The following FAM135A variants were observed in gnomAD, a reference collection of about 807,000 sequenced individuals.
FAM135A encodes family with sequence similarity 135 member A.
FAM135A carries 79 observed loss-of-function variants against 146.8 expected under a neutral mutation model. The ratio of observed to expected loss-of-function variants is 0.54; its 90% CI spans 0.45 to 0.65. FAM135A has a LOEUF of 0.65. Ranked by LOEUF, FAM135A falls within the 30% of genes least tolerant of loss-of-function variation. The probability of loss-of-function intolerance (pLI) is 0.00; values close to 1 mark genes in which losing one functional copy is unlikely to be tolerated. For missense variants in FAM135A, 1,623 were observed against 1,758.2 expected (o/e 0.92, Z 1.38); for synonymous variants, 562 against 603.6 (o/e 0.93, Z 1.01).
At chr6:70,474,403 A>C (rs1264067677) in intron 5 of FAM135A, among the ~76,000 whole-genome samples, 1 of 152,148 alleles carries the variant, frequency 6.6e-6, no homozygotes, top group African/African-American at 2.4e-5. Context: ...AATGGTAAGG[A>C]CATAGTCCTC....
chr6:70,471,180 G>A (rs566103766), intron 5 of FAM135A, among the ~76,000 whole-genome samples: 4 of 152,326 alleles, frequency 2.6e-5, no homozygotes, highest in African/African-American at 9.6e-5. Context: ...GGATTGGGCA[G>A]AGAGCTGGAG....
intron 5 of FAM135A, among the ~76,000 whole-genome samples, chr6:70,458,469 T>C (rs1338827682): frequency 6.6e-6 from 1 of 152,188 alleles, no homozygotes; most frequent in Non-Finnish European, 1.5e-5. Flanking sequence ...ATAAAGTGGC[T>C]CTGAACAAAT....
At chr6:70,425,696 A>T (rs988107158) in intron 2 of FAM135A, among the ~76,000 whole-genome samples, 1 of 152,246 alleles carries the variant, frequency 6.6e-6, no homozygotes, top group African/African-American at 2.4e-5. Flanking sequence ...GTGTCAAAGT[A>T]TTTTAAATAG....
chr6:70,516,251 TAA>T lies in FAM135A; in HGVS notation c.1030-6259_1030-6258del, dbSNP rs374377742. Among the ~76,000 whole-genome samples, 855 of 152,272 alleles carry T rather than the reference TAA, an allele frequency of 5.6e-3. 3 individuals carry two copies. The highest frequency in any genetic ancestry group is 8.2e-3 in the Non-Finnish European group (558 of 68,014). On this transcript the variant is annotated intron_variant, in intron 12 of 21. Coordinates refer to ENST00000418814, the MANE Select transcript of FAM135A (RefSeq NM_001162529.3). ...TGAGGTCCAGACCTAGGGAACTTTT[TAA>T]AAGTTGTGCAAGTGATTAACAGGGT...
At chr6:70,537,828 A>G (rs1270720709) in intron 19 of FAM135A, among the ~76,000 whole-genome samples, 2 of 152,212 alleles carry the variant, frequency 1.3e-5, no homozygotes, top group Non-Finnish European at 2.9e-5. Context: ...TTATTAGAAA[A>G]CATTAAACAA....
intron 4 of FAM135A, among the ~76,000 whole-genome samples, chr6:70,442,545 G>C (rs1774803093): frequency 6.6e-6 from 1 of 151,436 alleles, no homozygotes; most frequent in Non-Finnish European, 1.5e-5. Flanking sequence ...TTAGTTTTTG[G>C]TATATCCTTT....
chr6:70,431,894 A>C (rs922170709), intron 4 of FAM135A, among the ~76,000 whole-genome samples: 1 of 152,036 alleles, frequency 6.6e-6, no homozygotes, highest in East Asian at 1.9e-4. Context: ...CCTCTGACCT[A>C]TATATAAAAT....
rs1190614826 is a variant in FAM135A at position 70,540,318 on chromosome 6, C to CTTTTTT, written c.4228+1936_4228+1941dup. On this transcript the variant is annotated intron_variant, in intron 20 of 21. Coordinates refer to ENST00000418814, the MANE Select transcript of FAM135A (RefSeq NM_001162529.3). Reference sequence around the variant, plus strand: ...TTAGACTCATTTATGATTCCTGCTACTTTTTTTTTTTTTTTTTTTTTTTTG... The same window carrying CTTTTTT: ...TTAGACTCATTTATGATTCCTGCTACTTTTTTTTTTTTTTTTTTTTTTTTTTTTTTG... Among the ~76,000 whole-genome samples the CTTTTTT allele has an allele frequency of 3.0e-3, 241 of 81,542 alleles. 17 individuals carry two copies. Among genetic ancestry groups the CTTTTTT allele is most frequent in the African/African-American group, 9.5e-3 (179 of 18,836 alleles). The allele number at this position is 81,542 out of a possible 152,430, so 53.5% of individuals were successfully genotyped here. A position where few individuals can be genotyped will look rare whatever the true frequency, so the allele number is the denominator to read the frequency against.
At chr6:70,439,681 A>G (rs765178425) in intron 4 of FAM135A, among the ~76,000 whole-genome samples, 3 of 151,086 alleles carry the variant, frequency 2.0e-5, no homozygotes, top group Admixed American at 6.6e-5. Flanking sequence ...GCTCTCCTAT[A>G]CTCTTTTGTT....
intron 10 of FAM135A, among the ~76,000 whole-genome samples, chr6:70,486,500 T>C (rs1167347229): frequency 6.6e-6 from 1 of 152,214 alleles, no homozygotes; most frequent in Non-Finnish European, 1.5e-5. Context: ...TTTCATATGT[T>C]TTTTAAAGTT....
rs538871323 is a variant in FAM135A, at chr6:70,457,087, T to C, written c.157+4516T>C. ...TATCCTGATAACTCAGAGTGGATGCTGTGTTTTAAAGAACACAGATATACT... is the reference window on the plus strand; with the variant it reads ...TATCCTGATAACTCAGAGTGGATGCCGTGTTTTAAAGAACACAGATATACT... On this transcript the variant is annotated intron_variant, in intron 5 of 21. Coordinates refer to ENST00000418814, the MANE Select transcript of FAM135A (RefSeq NM_001162529.3). 6.6e-5 allele frequency among the ~76,000 whole-genome samples: 10 copies of C among 152,366 alleles called. No individual in the cohort carries two copies. The East Asian group carries it at 1.9e-3, about 29-fold the overall frequency.
chr6:70,413,952 C>G (rs1481041871), intron 1 of FAM135A: 1 of 985,464 alleles, frequency 1.0e-6, no homozygotes, highest in Admixed American at 6.1e-5. Flanking sequence ...CCGGTGCCCG[C>G]GGCCGCCCCT....
intron 12 of FAM135A, among the ~76,000 whole-genome samples, chr6:70,516,022 A>G (rs1344804508): frequency 6.6e-6 from 1 of 152,052 alleles, no homozygotes; most frequent in African/African-American, 2.4e-5. Flanking sequence ...TCGATTGTAG[A>G]TTATATTTTC....
chr6:70,468,301 A>G (rs1461081218), intron 5 of FAM135A, among the ~76,000 whole-genome samples: 1 of 152,192 alleles, frequency 6.6e-6, no homozygotes, highest in African/African-American at 2.4e-5. Flanking sequence ...GAAGTTATAG[A>G]CAGTGTCTCT....
chr6:70,516,701 A>AT (rs895223223), intron 12 of FAM135A, among the ~76,000 whole-genome samples: 2 of 151,332 alleles, frequency 1.3e-5, no homozygotes, highest in African/African-American at 4.9e-5. Context: ...TGCCTGGCTA[A>AT]TTTTTTTGTA....
intron 8 of FAM135A, among the ~76,000 whole-genome samples, chr6:70,480,213 T>C (rs574037500): frequency 3.2e-4 from 48 of 152,230 alleles, no homozygotes; most frequent in South Asian, 1.2e-3. Context: ...TCATATAGTA[T>C]GTAATTGATG....
chr6:70,494,295 G>A (rs9455131), intron 11 of FAM135A, among the ~76,000 whole-genome samples: 3,831 of 151,926 alleles, frequency 0.025, 166 homozygotes, highest in African/African-American at 0.088. Flanking sequence ...ATCAGTGAAT[G>A]TTATGGGAAA....
At chr6:70,437,643 C>G (rs1027971475) in intron 4 of FAM135A, among the ~76,000 whole-genome samples, 2 of 152,054 alleles carry the variant, frequency 1.3e-5, no homozygotes, top group Non-Finnish European at 2.9e-5. Context: ...AATATACTTT[C>G]CATTTACTTA....
At chr6:70,534,409 C>A (rs1434137074) in intron 18 of FAM135A, among the ~76,000 whole-genome samples, 1 of 148,248 alleles carries the variant, frequency 6.7e-6, no homozygotes, top group Non-Finnish European at 1.5e-5. Flanking sequence ...AGTCTCAAAC[C>A]CCTGGGCTCA....
Sources: allele counts gnomAD v4.1 joint callset (sites outside exome capture counted in the v4.1 genomes callset), GRCh38; gene constraint gnomAD v4.1.1; transcripts MANE v1.5; gene names NCBI Gene and HGNC (gene_info 2026-07-23, HGNC 2026-07-21).